PARVG: variants seen among roughly 807,000 people sequenced by gnomAD.
PARVG encodes parvin gamma.
In PARVG, 36 loss-of-function variants were observed where a neutral mutation model predicts 44.4. That is an observed-to-expected ratio of 0.81 (90% confidence interval 0.62 to 1.07). PARVG has a LOEUF of 1.07. PARVG is among the 50% of genes least tolerant of loss of function. The probability of loss-of-function intolerance (pLI) is 0.00; values close to 1 mark genes in which losing one functional copy is unlikely to be tolerated. For missense variants in PARVG, 407 were observed against 407.4 expected (o/e 1.00, Z 0.01); for synonymous variants, 170 against 174.1 (o/e 0.98, Z 0.19).
In PARVG at chr22:44,187,770, C is replaced by T. The variant is rs200467645; in HGVS notation, c.145-6C>T. Reference sequence around the variant, plus strand: ...CCCCCAAAAGTTGTCCCCTTGGAGCCTGCAGGTGTTGATGGAGTGGATCAA... The same window carrying T: ...CCCCCAAAAGTTGTCCCCTTGGAGCTTGCAGGTGTTGATGGAGTGGATCAA... On this transcript the variant is annotated splice_polypyrimidine_tract_variant and splice_region_variant and intron_variant, in intron 4 of 13. Coordinates refer to ENST00000444313, the MANE Select transcript of PARVG (RefSeq NM_022141.7). The T allele has an allele frequency of 5.6e-4, 912 of 1,614,168 alleles. 2 individuals carry two copies. The highest frequency in any genetic ancestry group is 5.0e-3 in the African/African-American group (376 of 75,062).
At chr22:44,206,160 G>A (rs910662331) in intron 13 of PARVG, among the ~76,000 whole-genome samples, 157 bp from the exon 14 acceptor site, 6 of 152,146 alleles carry the variant, frequency 3.9e-5, no homozygotes, top group East Asian at 1.9e-4. Flanking sequence ...CAGCAGGCGC[G>A]GGACCCAGGC....
intron 9 of PARVG, 175 bp from the exon 10 acceptor site, chr22:44,195,980 C>A: frequency 1.5e-6 from 1 of 656,012 alleles, no homozygotes; most frequent in Non-Finnish European, 2.6e-6. Flanking sequence ...TGGGGCCACA[C>A]GGCCAGGAGA....
At chr22:44,201,520 T>C (rs1406109186) in intron 12 of PARVG, among the ~76,000 whole-genome samples, 1 of 152,150 alleles carries the variant, frequency 6.6e-6, no homozygotes, top group Non-Finnish European at 1.5e-5. Context: ...AGAGCTGGGA[T>C]GTTGGGTCAG....
At chr22:44,174,444 T>C (rs900415700) in intron 1 of PARVG, among the ~76,000 whole-genome samples, 2 of 152,068 alleles carry the variant, frequency 1.3e-5, no homozygotes, top group African/African-American at 4.8e-5. Context: ...CTCTGGCTCA[T>C]GCCTGTAATC....
At chr22:44,187,400 C>A in intron 4 of PARVG, 2 of 275,260 alleles carry the variant, frequency 7.3e-6, no homozygotes, top group South Asian at 9.7e-5. Context: ...TTCTACTGAC[C>A]ACCTCTTCAG....
At chr22:44,186,983 T>C in intron 4 of PARVG, 1 of 283,314 alleles carries the variant, frequency 3.5e-6, no homozygotes, top group Non-Finnish European at 7.2e-6. Context: ...CACTCTGACC[T>C]TTTGAGCACA....
chr22:44,181,828 A>G lies in PARVG; in HGVS notation c.-102A>G. ...TCCCGGCCTGGTCCCCGAAGACCCC[A>G]GAAGAACCCGGAACTTGCTTCCATT... On this transcript the variant is annotated 5_prime_UTR_variant, in exon 2 of 14. Coordinates refer to ENST00000444313, the MANE Select transcript of PARVG (RefSeq NM_022141.7). 1 of 985,508 alleles carries G rather than the reference A, an allele frequency of 1.0e-6. No individual in the cohort carries two copies. Among genetic ancestry groups the G allele is most frequent in the Non-Finnish European group, 1.2e-6 (1 of 830,006 alleles). The allele number at this position is 985,508 out of a possible 1,614,324, so 61.0% of individuals were successfully genotyped here.
chr22:44,196,293 CG>C, intron 10 of PARVG, 53 bp from the exon 11 acceptor site: 1 of 1,613,816 alleles, frequency 6.2e-7, no homozygotes, highest in East Asian at 2.2e-5. Flanking sequence ...GAGGGAATCA[CG>C]GGTCCTCCCA....
chr22:44,198,667 G>T lies in PARVG; in HGVS notation c.758G>T (p.Gly253Val), dbSNP rs1309789079. The change falls in exon 12 of 14, where the codon GGC (glycine) becomes GTC (valine). Residue 253 changes from glycine to valine, a missense_variant. Coordinates refer to ENST00000444313, the MANE Select transcript of PARVG (RefSeq NM_022141.7). ...CTCTTGCTGATTGGACAACTTGAAG[G>T]CTTCTTCCTGCACTTAAAGGAATTC... ...ILLLLIGQLE[G>V]FFLHLKEFYL... 1 of 1,613,922 alleles carries T rather than the reference G, an allele frequency of 6.2e-7. No homozygotes were observed. Among genetic ancestry groups the T allele is most frequent in the South Asian group, 1.1e-5 (1 of 91,078 alleles).
Position 44,174,955 on chromosome 22 carries a change from C to T in PARVG, c.-189+1764C>T, listed in dbSNP as rs57893366. Among the ~76,000 whole-genome samples, 137 of 151,544 alleles carry T rather than the reference C, an allele frequency of 9.0e-4. 2 individuals carry two copies. Among genetic ancestry groups the T allele is most frequent in the African/African-American group, 3.2e-3 (133 of 41,242 alleles). ...TGGCTAACATGGTGAAACCCTATCT[C>T]TACTAAATATAAAAAAATTAGCTGG... On this transcript the variant is annotated intron_variant, in intron 1 of 13. Coordinates refer to the PARVG transcript ENST00000422871.
upstream of PARVG, among the ~76,000 whole-genome samples, chr22:44,180,607 G>A (rs532693278): frequency 2.6e-5 from 4 of 152,318 alleles, no homozygotes; most frequent in African/African-American, 9.6e-5. Flanking sequence ...ATGTGCCTCA[G>A]TGTCTTCCTC....
At chr22:44,192,528 G>C (rs2147229716) in intron 8 of PARVG, among the ~76,000 whole-genome samples, 1 of 152,088 alleles carries the variant, frequency 6.6e-6, no homozygotes, top group Admixed American at 6.5e-5. Flanking sequence ...CACTTTGGGG[G>C]TGTGGCTGTC....
chr22:44,190,392 T>G (rs573862734), intron 6 of PARVG, among the ~76,000 whole-genome samples, 159 bp from the exon 7 acceptor site: 2 of 152,266 alleles, frequency 1.3e-5, no homozygotes, highest in East Asian at 3.9e-4. Context: ...GTGATGATTT[T>G]TAGGTTCTGA....
Position 44,180,943 on chromosome 22 carries a change from G to A in PARVG, c.-431G>A. The A allele has an allele frequency of 1.0e-6, 1 of 985,330 alleles. No homozygotes were observed. The highest frequency in any genetic ancestry group is 1.2e-6 in the Non-Finnish European group (1 of 829,914). 61.0% of individuals were successfully genotyped at this position (985,330 alleles called of 1,614,324 possible). On this transcript the variant is annotated 5_prime_UTR_variant, in exon 1 of 14. Coordinates refer to ENST00000444313, the MANE Select transcript of PARVG (RefSeq NM_022141.7). ...AGATTCCAGCTTGAGAGACCAGCTC[G>A]GGTCTGAAGTGTTTCTCTATCTACT...
chr22:44,181,879 C>T lies in PARVG; in HGVS notation c.-51C>T, dbSNP rs1601726631. On this transcript the variant is annotated 5_prime_UTR_variant, in exon 2 of 14. Transcript: ENST00000444313. ...CGGAATCCAGGGACCACCCTTTGCA[C>T]TCAGTAGGCCTTTGTTTTCCTGCGT... The T allele has an allele frequency of 1.0e-6, 1 of 985,516 alleles. No individual in the cohort carries two copies. The highest frequency in any genetic ancestry group is 1.2e-6 in the Non-Finnish European group (1 of 829,990). The allele number at this position is 985,516 out of a possible 1,614,324, so 61.0% of individuals were successfully genotyped here. A position where few individuals can be genotyped will look rare whatever the true frequency, so the allele number is the denominator to read the frequency against.
intron 6 of PARVG, 48 bp from the exon 7 acceptor site, chr22:44,190,503 C>G: frequency 6.9e-7 from 1 of 1,442,918 alleles, no homozygotes; most frequent in South Asian, 1.1e-5. Flanking sequence ...TTTGGCTGCA[C>G]GTTTTGGCGG....
Position 44,192,075 on chromosome 22 carries a change from G to T in PARVG, c.531G>T (p.Glu177Asp). ...GCACCAAAAGTGGTCTGAAGTCAGAGAAGTTGGTGGAACAGCTCACTGAAT... is the reference window on the plus strand; with the variant it reads ...GCACCAAAAGTGGTCTGAAGTCAGATAAGTTGGTGGAACAGCTCACTGAAT... ...IESTKSGLKSEKLVEQLTEYS... is the reference protein window; with the variant it reads ...IESTKSGLKSDKLVEQLTEYS... Residue 177 changes from glutamate to aspartate, a missense_variant, in exon 8 of 14, where the codon GAG (glutamate) becomes GAT (aspartate). Glu to Asp is a conservative substitution (Grantham distance 45, BLOSUM62 2). Transcript: ENST00000444313. 2 of 1,611,308 alleles carry T rather than the reference G, an allele frequency of 1.2e-6. No individual in the cohort carries two copies. Among genetic ancestry groups the T allele is most frequent in the Non-Finnish European group, 1.7e-6 (2 of 1,178,526 alleles).
rs2054454179 is a variant in PARVG, at chr22:44,185,666, TGAG to T, written c.80-140_80-138del. 3 of 635,264 alleles carry T rather than the reference TGAG, an allele frequency of 4.7e-6. 1 individual carries two copies. In the East Asian group the frequency reaches 8.5e-5, roughly 18 times the overall value. The allele number at this position is 635,264 out of a possible 1,614,324, so 39.4% of individuals were successfully genotyped here. A position where few individuals can be genotyped will look rare whatever the true frequency, so the allele number is the denominator to read the frequency against. On this transcript the variant is annotated intron_variant, in intron 3 of 13. Transcript: ENST00000444313. ...GATGAGCTGGTGTTCGTGAGGGAAA[TGAG>T]GGAAAGCACGCTGGGGCGGAAGTGG...
chr22:44,189,038 G>T, intron 5 of PARVG, 76 bp from the exon 6 acceptor site: 1 of 1,584,316 alleles, frequency 6.3e-7, no homozygotes, highest in Non-Finnish European at 8.6e-7. Flanking sequence ...GGCAGGCTCA[G>T]CCTCCTGGAG....
Sources: gnomAD v4.1 joint callset for allele counts (sites outside exome capture counted in the v4.1 genomes callset) on GRCh38, gnomAD v4.1.1 for gene constraint, MANE v1.5 for transcripts, NCBI Gene and HGNC (gene_info 2026-07-23, HGNC 2026-07-21) for gene names.